The following ST8SIA4 variants were observed in gnomAD, a reference collection of about 807,000 sequenced individuals.
The protein encoded by ST8SIA4 is ST8 alpha-N-acetyl-neuraminide alpha-2,8-sialyltransferase 4, also known as CMP-N-acetylneuraminate-poly-alpha-2,8-sialyltransferase.
Under a neutral mutation model 33.9 loss-of-function variants are expected in ST8SIA4, and 15 were observed. The ratio of observed to expected loss-of-function variants is 0.44; its 90% confidence interval spans 0.30 to 0.68. ST8SIA4 has a LOEUF of 0.68. Among genes scored for constraint, ST8SIA4 ranks in the 30% least tolerant of loss-of-function variants. The pLI, the probability that ST8SIA4 is intolerant of heterozygous loss-of-function variation, is 0.10. For synonymous variants in ST8SIA4, 171 were observed against 151.2 expected (o/e 1.13, Z -0.96); for missense variants, 321 against 428.0 (o/e 0.75, Z 2.21).
chr5:100,816,691 A>T, intron 4 of ST8SIA4: 1 of 452,862 alleles, frequency 2.2e-6, no homozygotes, highest in South Asian at 1.7e-5. Context: ...ATGTTATATT[A>T]TAAGCAAAGT....
intron 4 of ST8SIA4, among the ~76,000 whole-genome samples, chr5:100,834,192 TAGAC>T (rs1386362752): frequency 6.6e-6 from 1 of 152,142 alleles, no homozygotes; most frequent in Non-Finnish European, 1.5e-5. Flanking sequence ...TTAATAGAAT[TAGAC>T]AGGTAGAAGA....
intron 3 of ST8SIA4, among the ~76,000 whole-genome samples, chr5:100,880,177 A>G (rs1752385582): frequency 6.6e-6 from 1 of 152,118 alleles, no homozygotes; most frequent in Admixed American, 6.6e-5. Flanking sequence ...TATTTATAGA[A>G]TATATAAATA....
intron 4 of ST8SIA4, among the ~76,000 whole-genome samples, chr5:100,837,576 G>A (rs1751389260): frequency 6.6e-6 from 1 of 151,984 alleles, no homozygotes; most frequent in Non-Finnish European, 1.5e-5. Context: ...GGCCCTTACT[G>A]ATCCACAGAG....
intron 2 of ST8SIA4, 33 bp downstream of exon 2, chr5:100,895,621 T>G: frequency 6.3e-7 from 1 of 1,588,236 alleles, no homozygotes; most frequent in East Asian, 2.3e-5. Flanking sequence ...GAACATGATG[T>G]GAAATTTATT....
Position 100,848,618 on chromosome 5 carries a change from CTATA to C in ST8SIA4, c.797+7481_797+7484del, listed in dbSNP as rs1182605716. 2.7e-5 allele frequency among the ~76,000 whole-genome samples: 4 copies of C among 149,702 alleles called. 1 individual carries two copies. The highest frequency in any genetic ancestry group is 7.5e-3 in the Middle Eastern group (2 of 268). On this transcript the variant is annotated intron_variant, in intron 4 of 4. Coordinates refer to ENST00000231461, the MANE Select transcript of ST8SIA4 (RefSeq NM_005668.6). ...AAAGAAAGTATATCGCGAGTATAGA[CTATA>C]TAAAGTCTGTACAGTGTGTGTGTAT...
intron 4 of ST8SIA4, among the ~76,000 whole-genome samples, chr5:100,815,419 T>TCC (rs1750894231): frequency 6.6e-6 from 1 of 151,552 alleles, no homozygotes; most frequent in Non-Finnish European, 1.5e-5. Flanking sequence ...CATCCTTCCT[T>TCC]TCTTCCTTCC....
chr5:100,872,358 TTGTA>T (rs1478827887), intron 3 of ST8SIA4, among the ~76,000 whole-genome samples: 2 of 152,140 alleles, frequency 1.3e-5, no homozygotes, highest in Admixed American at 6.6e-5. Flanking sequence ...AATTTTTTTC[TTGTA>T]TGTATCTTGA....
intron 1 of ST8SIA4, among the ~76,000 whole-genome samples, chr5:100,898,764 A>C (rs1204731677): frequency 6.6e-6 from 1 of 152,114 alleles, no homozygotes; most frequent in Non-Finnish European, 1.5e-5. Flanking sequence ...CCACCCCCCT[A>C]CTTGTCTCTC....
At chr5:100,823,160 CAAAA>C (rs148619047) in intron 4 of ST8SIA4, among the ~76,000 whole-genome samples, 13,110 of 149,558 alleles carry the variant, frequency 0.088, 643 homozygotes, top group South Asian at 0.12. Context: ...AACAAACAAA[CAAAA>C]AAACCCCACC....
chr5:100,865,050 A>G (rs1466017789), intron 3 of ST8SIA4, among the ~76,000 whole-genome samples: 3 of 152,190 alleles, frequency 2.0e-5, no homozygotes, highest in Non-Finnish European at 4.4e-5. Context: ...TAGTCCCCGA[A>G]CAATGGTTAT....
intron 3 of ST8SIA4, among the ~76,000 whole-genome samples, chr5:100,875,400 C>T (rs1752283711): frequency 6.6e-6 from 1 of 152,130 alleles, no homozygotes; most frequent in Admixed American, 6.6e-5. Flanking sequence ...AATTAGTTAT[C>T]CTGACATATC....
chr5:100,884,653 A>C (rs2112470745), intron 3 of ST8SIA4, among the ~76,000 whole-genome samples: 1 of 152,234 alleles, frequency 6.6e-6, no homozygotes, highest in South Asian at 2.1e-4. Context: ...TATTGGACAC[A>C]CAATTCCATG....
chr5:100,823,370 C>G (rs1751073284), intron 4 of ST8SIA4, among the ~76,000 whole-genome samples: 3 of 152,156 alleles, frequency 2.0e-5, no homozygotes, highest in Admixed American at 2.0e-4. Context: ...ACCAGCAGCC[C>G]TTGGGGCTGC....
Position 100,824,069 on chromosome 5 carries a change from G to T in ST8SIA4, c.798-11940C>A, listed in dbSNP as rs1293838546. On this transcript the variant is annotated intron_variant, in intron 4 of 4. Coordinates refer to ENST00000231461, the MANE Select transcript of ST8SIA4 (RefSeq NM_005668.6). ...TCAAGAGGAATATTTCCATAATAAA[G>T]CCTCTCTAATCACTTGTTTGATGAT... 2.0e-5 allele frequency among the ~76,000 whole-genome samples: 3 copies of T among 152,126 alleles called. No individual in the cohort carries two copies. The East Asian group carries it at 5.8e-4, about 29-fold the overall frequency.
At chr5:100,890,629 G>A (rs781343485) in intron 2 of ST8SIA4, 2 of 151,822 alleles carry the variant, frequency 1.3e-5, no homozygotes, top group Non-Finnish European at 2.9e-5. Flanking sequence ...AAAGCAAGGG[G>A]TTGTGTTTTC....
chr5:100,880,052 A>C (rs933650047), intron 3 of ST8SIA4, among the ~76,000 whole-genome samples: 1 of 152,116 alleles, frequency 6.6e-6, no homozygotes, highest in Non-Finnish European at 1.5e-5. Context: ...ACGGAAGACC[A>C]TGATAGAACA....
At chr5:100,834,565 A>T (rs1751326337) in intron 4 of ST8SIA4, among the ~76,000 whole-genome samples, 1 of 152,082 alleles carries the variant, frequency 6.6e-6, no homozygotes, top group East Asian at 1.9e-4. Context: ...TGATTCAGTG[A>T]TATAATCTGG....
chr5:100,847,586 TGAAA>T (rs1751595738), intron 4 of ST8SIA4, among the ~76,000 whole-genome samples: 2 of 152,138 alleles, frequency 1.3e-5, no homozygotes. Context: ...GTCTTAATGC[TGAAA>T]AAAAGTTGAT....
intron 4 of ST8SIA4, among the ~76,000 whole-genome samples, chr5:100,848,360 T>TATTATATA (rs1446589752): frequency 6.6e-6 from 1 of 150,566 alleles, no homozygotes; most frequent in African/African-American, 2.4e-5. Context: ...TACTATTACA[T>TATTATATA]ATTATATAAT....
Sources: allele counts gnomAD v4.1 joint callset (sites outside exome capture counted in the v4.1 genomes callset), GRCh38; gene constraint gnomAD v4.1.1; transcripts MANE v1.5; gene names NCBI Gene and HGNC (gene_info 2026-07-23, HGNC 2026-07-21).